ASIC2: variants seen among roughly 807,000 people sequenced by gnomAD.
ASIC2 encodes acid-sensing ion channel 2.
In ASIC2, 25 loss-of-function variants were observed where a neutral mutation model predicts 57.3. The observed-to-expected ratio is 0.44, with a 90% confidence interval of 0.32 to 0.61. The LOEUF (loss-of-function observed/expected upper bound fraction) is 0.61. Among genes scored for constraint, ASIC2 ranks in the 20% least tolerant of loss-of-function variants. The probability of loss-of-function intolerance (pLI) is 0.06; values close to 1 mark genes in which losing one functional copy is unlikely to be tolerated. For synonymous variants in ASIC2, 319 were observed against 307.5 expected (o/e 1.04, Z -0.39); for missense variants, 641 against 738.1 (o/e 0.87, Z 1.52).
At chr17:33,824,405 C>T (rs906174303) in intron 1 of ASIC2, among the ~76,000 whole-genome samples, 3 of 151,658 alleles carry the variant, frequency 2.0e-5, no homozygotes, top group Admixed American at 2.0e-4. Flanking sequence ...TAATTTTATA[C>T]TTTTAACATT....
At chr17:33,388,086 ACAAAG>A (rs369196610) in intron 1 of ASIC2, among the ~76,000 whole-genome samples, 1 of 72,280 alleles carries the variant, frequency 1.4e-5, no homozygotes, top group African/African-American at 4.8e-5. Flanking sequence ...TCTCAAAAAA[ACAAAG>A]CAAAGCAAAA....
chr17:33,535,325 T>A (rs567006289), intron 1 of ASIC2, among the ~76,000 whole-genome samples: 1 of 149,920 alleles, frequency 6.7e-6, no homozygotes, highest in South Asian at 2.1e-4. Flanking sequence ...CAGGCCGGAG[T>A]GCAGTGGTGC....
At chr17:33,327,666 A>G (rs1907131461) in intron 1 of ASIC2, among the ~76,000 whole-genome samples, 1 of 152,212 alleles carries the variant, frequency 6.6e-6, no homozygotes, top group African/African-American at 2.4e-5. Flanking sequence ...ATAGGATGCC[A>G]AAGTCGTTCA....
intron 1 of ASIC2, among the ~76,000 whole-genome samples, chr17:33,318,666 C>T (rs914380133): frequency 1.5e-4 from 23 of 152,098 alleles, no homozygotes; most frequent in Admixed American, 1.3e-3. Context: ...AGTGAGAGTT[C>T]TCACCGTGAG....
chr17:33,112,091 G>A (rs898436479), intron 1 of ASIC2, 24 bp from the exon 2 acceptor site: 7 of 1,600,396 alleles, frequency 4.4e-6, no homozygotes, highest in Non-Finnish European at 6.0e-6. Flanking sequence ...GAGAGAGAGA[G>A]AGAGAAGCAC....
rs1915390186 is a variant in ASIC2 at position 33,908,155 on chromosome 17, G to A, written c.555+247823C>T. On this transcript the variant is annotated intron_variant, in intron 1 of 9. Coordinates refer to the ASIC2 transcript ENST00000359872. ...CCTGGAACCCCCTTTGAGAAATTCT[G>A]TGCCCGCTGTATTCTTAGAGACACG... 2.0e-5 allele frequency among the ~76,000 whole-genome samples: 3 copies of A among 152,156 alleles called. No individual in the cohort carries two copies. In the South Asian group the frequency reaches 6.2e-4, roughly 32 times the overall value.
chr17:33,591,153 T>C (rs1904812719), intron 1 of ASIC2, among the ~76,000 whole-genome samples: 1 of 152,248 alleles, frequency 6.6e-6, no homozygotes. Context: ...AAGTAACTCC[T>C]TTGCTTTCAT....
At chr17:33,939,315 C>T (rs1916134595) in intron 1 of ASIC2, among the ~76,000 whole-genome samples, 1 of 152,228 alleles carries the variant, frequency 6.6e-6, no homozygotes, top group African/African-American at 2.4e-5. Context: ...GGTCAAGTAA[C>T]ATTCTCAAGG....
chr17:33,114,163 T>C (rs1644174988), intron 1 of ASIC2, among the ~76,000 whole-genome samples: 1 of 152,228 alleles, frequency 6.6e-6, no homozygotes, highest in Non-Finnish European at 1.5e-5. Flanking sequence ...GGACAGCCAA[T>C]TCCTATTCTT....
At chr17:33,811,325 G>A (rs1296074864) in intron 1 of ASIC2, among the ~76,000 whole-genome samples, 1 of 152,220 alleles carries the variant, frequency 6.6e-6, no homozygotes, top group African/African-American at 2.4e-5. Context: ...TCCCACGGGA[G>A]AAGATCAGAC....
rs149258108 is a variant in ASIC2 at position 33,517,105 on chromosome 17, C to A, written c.556-405038G>T. Among the ~76,000 whole-genome samples the A allele has an allele frequency of 1.4e-3, 217 of 152,202 alleles. 5 individuals carry two copies. Among genetic ancestry groups the A allele is most frequent in the Non-Finnish European group, 1.2e-4 (8 of 68,002 alleles). Reference sequence around the variant, plus strand: ...CTCATAACCTCTATCTTAGTTATACCTTTTGCTGCATATTATTATTATTAT... The same window carrying A: ...CTCATAACCTCTATCTTAGTTATACATTTTGCTGCATATTATTATTATTAT... On this transcript the variant is annotated intron_variant, in intron 1 of 9. Coordinates refer to the ASIC2 transcript ENST00000359872.
At chr17:33,844,207 T>G (rs1055102390) in intron 1 of ASIC2, among the ~76,000 whole-genome samples, 2 of 152,218 alleles carry the variant, frequency 1.3e-5, no homozygotes, top group Non-Finnish European at 2.9e-5. Context: ...ATATTTAAGT[T>G]GCATGTTATT....
intron 1 of ASIC2, among the ~76,000 whole-genome samples, chr17:34,051,920 C>T (rs1046326650): frequency 6.6e-6 from 1 of 151,352 alleles, no homozygotes; most frequent in East Asian, 1.9e-4. Context: ...CTTCTGGTAG[C>T]TGGAAGTCTA....
intron 1 of ASIC2, among the ~76,000 whole-genome samples, chr17:33,406,971 C>A (rs1009307423): frequency 9.9e-5 from 15 of 152,144 alleles, no homozygotes; most frequent in African/African-American, 3.6e-4. Context: ...GGAAAGAATG[C>A]CAGATTCTGA....
intron 1 of ASIC2, among the ~76,000 whole-genome samples, chr17:33,856,726 A>G (rs963055703): frequency 1.1e-4 from 17 of 152,254 alleles, no homozygotes; most frequent in South Asian, 6.2e-4. Context: ...CAAGGAGGCT[A>G]GAGCATTCAT....
intron 1 of ASIC2, among the ~76,000 whole-genome samples, chr17:33,632,378 T>C (rs1906203008): frequency 6.6e-6 from 1 of 152,078 alleles, no homozygotes; most frequent in Non-Finnish European, 1.5e-5. Flanking sequence ...TCTGTCACGG[T>C]TCAGATTAAA....
chr17:33,392,170 T>TCTTC (rs1281226603), intron 1 of ASIC2, among the ~76,000 whole-genome samples: 10 of 128,976 alleles, frequency 7.8e-5, no homozygotes, highest in African/African-American at 6.0e-5. Context: ...TCTTTTCCTT[T>TCTTC]CTTCCTTCCT....
At chr17:33,179,043 G>T (rs1905875775) in intron 1 of ASIC2, among the ~76,000 whole-genome samples, 1 of 152,200 alleles carries the variant, frequency 6.6e-6, no homozygotes, top group South Asian at 2.1e-4. Context: ...AAGGTTCTCT[G>T]GGGCCCAAGG....
chr17:33,982,511 G>C (rs1905663889), intron 1 of ASIC2, among the ~76,000 whole-genome samples: 1 of 152,116 alleles, frequency 6.6e-6, no homozygotes, highest in Non-Finnish European at 1.5e-5. Flanking sequence ...CGTTGCTATG[G>C]GTTCTGTGAC....
Sources: gnomAD v4.1 joint callset for allele counts (sites outside exome capture counted in the v4.1 genomes callset) on GRCh38, gnomAD v4.1.1 for gene constraint, MANE v1.5 for transcripts, NCBI Gene and HGNC (gene_info 2026-07-23, HGNC 2026-07-21) for gene names.